Variants in SIPA1L2 observed in about 807,000 individuals in gnomAD.
SIPA1L2 encodes signal induced proliferation associated 1 like 2.
In SIPA1L2, 56 loss-of-function variants were observed where a neutral mutation model predicts 163.9. The observed-to-expected ratio is 0.34, with a 90% CI of 0.28 to 0.43. The LOEUF (loss-of-function observed/expected upper bound fraction) is 0.43. SIPA1L2 is among the 20% of genes least tolerant of loss of function. SIPA1L2 has a pLI of 1.00. For missense variants in SIPA1L2, 1,974 were observed against 2,193.5 expected, an observed-to-expected ratio of 0.90 and a Z score of 2.00; for synonymous variants, 877 against 865.7, an observed-to-expected ratio of 1.01 and a Z score of -0.23.
chr1:232,501,494 C>T (rs114757769), intron 3 of SIPA1L2, among the ~76,000 whole-genome samples: 3,289 of 152,150 alleles, frequency 0.022, 102 homozygotes, highest in African/African-American at 0.075. Flanking sequence ...CCAGGGAAGG[C>T]ACCTCCAGTC....
chr1:232,404,011 G>T, intron 20 of SIPA1L2, 114 bp downstream of exon 20: 1 of 1,180,444 alleles, frequency 8.5e-7, no homozygotes, highest in East Asian at 2.4e-5. Context: ...CACATGTCCC[G>T]CTGTGCACCC....
chr1:232,599,657 A>G (rs1341135374), intron 1 of SIPA1L2, among the ~76,000 whole-genome samples: 1 of 152,164 alleles, frequency 6.6e-6, no homozygotes, highest in East Asian at 1.9e-4. Flanking sequence ...ACTACCCTCT[A>G]AGATTGGAGA....
chr1:232,630,271 C>T (rs896831404), upstream of SIPA1L2, among the ~76,000 whole-genome samples: 1 of 151,784 alleles, frequency 6.6e-6, no homozygotes, highest in African/African-American at 2.4e-5. Flanking sequence ...GTCAGTCTCA[C>T]CGTCCGCCCG....
chr1:232,535,779 T>A (rs1281935316), intron 2 of SIPA1L2, among the ~76,000 whole-genome samples: 1 of 152,186 alleles, frequency 6.6e-6, no homozygotes, highest in African/African-American at 2.4e-5. Context: ...CAAGTTACTT[T>A]GTGAGGTATG....
chr1:232,626,388 T>G lies in SIPA1L2; in HGVS notation c.-319+3481A>C, dbSNP rs539034085. ...TCCTTCCTACCACCCAACTTGGCTA[T>G]CTAGTACTGGGGGAGAAGAACGAAC... On this transcript the variant is annotated intron_variant, in intron 1 of 22. Transcript: ENST00000674635. Among the ~76,000 whole-genome samples the G allele has an allele frequency of 2.0e-5, 3 of 152,200 alleles. No homozygotes were observed. The South Asian group carries it at 6.2e-4, about 32-fold the overall frequency.
Position 232,439,160 on chromosome 1 carries a change from T to C in SIPA1L2, c.3979A>G (p.Ser1327Gly), listed in dbSNP as rs1384201876. The C allele has an allele frequency of 6.2e-7, 1 of 1,613,140 alleles. No individual in the cohort carries two copies. The highest frequency in any genetic ancestry group is 1.3e-5 in the African/African-American group (1 of 74,946). Residue 1327 changes from serine (S) to glycine (G), a missense_variant, in exon 15 of 23, where the codon AGT becomes GGT. Transcript: ENST00000674635. ...TCGCCCATGCTGCCTTCCGCAGCACTGCCGGCGGAGATGGTGGACGCGTAG... is the reference window on the plus strand; with the variant it reads ...TCGCCCATGCTGCCTTCCGCAGCACCGCCGGCGGAGATGGTGGACGCGTAG... Reference protein sequence around the residue: ...HGYASTISAGSAAEGSMGDLS... With the variant: ...HGYASTISAGGAAEGSMGDLS...
In SIPA1L2 at chr1:232,437,580, T is replaced by G. The variant is rs569815594; in HGVS notation, c.4031+1528A>C. On this transcript the variant is annotated intron_variant, in intron 15 of 22. Transcript: ENST00000674635. ...CCCTTCTCCAGGTCAAATAATGTCC[T>G]GCTTCTCTTCTGGGGCAGTGGCTGT... Among the ~76,000 whole-genome samples, 105 of 152,350 alleles carry G rather than the reference T, an allele frequency of 6.9e-4. No homozygotes were observed. In the Middle Eastern group the frequency reaches 0.014, roughly 20 times the overall value.
At chr1:232,452,349 C>A (rs1486664620) in intron 10 of SIPA1L2, among the ~76,000 whole-genome samples, 1 of 152,128 alleles carries the variant, frequency 6.6e-6, no homozygotes, top group African/African-American at 2.4e-5. Context: ...TTAACAGACA[C>A]CACGGTCACT....
At chr1:232,408,183 A>T (rs1418395771) in intron 19 of SIPA1L2, among the ~76,000 whole-genome samples, 1 of 152,204 alleles carries the variant, frequency 6.6e-6, no homozygotes, top group African/African-American at 2.4e-5. Context: ...ACATTAAAAC[A>T]AAGTCTAAAA....
chr1:232,591,892 G>A (rs1248368411), intron 1 of SIPA1L2, among the ~76,000 whole-genome samples: 1 of 152,136 alleles, frequency 6.6e-6, no homozygotes, highest in Non-Finnish European at 1.5e-5. Context: ...AACTGGCTGA[G>A]ACTCTTGCTT....
chr1:232,625,701 G>A (rs942437971), intron 1 of SIPA1L2, among the ~76,000 whole-genome samples: 3 of 152,130 alleles, frequency 2.0e-5, no homozygotes, highest in African/African-American at 7.2e-5. Context: ...AGAGACTGAA[G>A]GATTTGTTCT....
chr1:232,407,634 C>T (rs115144407), intron 19 of SIPA1L2, among the ~76,000 whole-genome samples: 1,544 of 152,272 alleles, frequency 0.01, 21 homozygotes, highest in Non-Finnish European at 0.012. Context: ...AGCACACACA[C>T]GTCCATGCTC....
intron 2 of SIPA1L2, among the ~76,000 whole-genome samples, chr1:232,556,895 A>C (rs958986109): frequency 6.6e-6 from 1 of 152,188 alleles, no homozygotes; most frequent in African/African-American, 2.4e-5. Context: ...AGGATTTTGC[A>C]GTCTTTGAGA....
At chr1:232,619,438 C>A (rs758753675) in intron 1 of SIPA1L2, among the ~76,000 whole-genome samples, 3 of 152,250 alleles carry the variant, frequency 2.0e-5, no homozygotes, top group Admixed American at 2.0e-4. Context: ...CCTAAGAAGG[C>A]AGTGCATTCA....
chr1:232,519,277 A>G (rs574892793), intron 2 of SIPA1L2, among the ~76,000 whole-genome samples: 2 of 152,320 alleles, frequency 1.3e-5, no homozygotes, highest in South Asian at 4.1e-4. Flanking sequence ...CCCAAGGCCC[A>G]TTCCCAAACA....
chr1:232,591,083 AGTGCTCACC>A (rs1660933948), intron 1 of SIPA1L2, among the ~76,000 whole-genome samples: 1 of 152,224 alleles, frequency 6.6e-6, no homozygotes, highest in African/African-American at 2.4e-5. Flanking sequence ...AGCAGTGATG[AGTGCTCACC>A]GTCTCTCTTG....
Position 232,483,946 on chromosome 1 carries a change from G to A in SIPA1L2, c.1827C>T (p.Ile609=), listed in dbSNP as rs201253337. 92 of 1,610,770 alleles carry A rather than the reference G, an allele frequency of 5.7e-5. No individual in the cohort carries two copies. In the Middle Eastern group the frequency reaches 2.5e-3, roughly 43 times the overall value. Residue 609 remains isoleucine, a synonymous_variant, in exon 6 of 23, where the codon ATC becomes ATT. Coordinates refer to ENST00000674635, the MANE Select transcript of SIPA1L2 (RefSeq NM_020808.5). ...GGCCTGCTTTGCAATAAAGGATCCC[G>A]ATCTTGTGCTGAAAGCTCAGCTGAA... ...DEQGLSFQHK[I]GILYCKAGQS...
chr1:232,422,421 C>A (rs1016342247), intron 18 of SIPA1L2, among the ~76,000 whole-genome samples: 1 of 152,068 alleles, frequency 6.6e-6, no homozygotes, highest in African/African-American at 2.4e-5. Context: ...GCTAAAAATA[C>A]CTGAAAGAGA....
intron 15 of SIPA1L2, among the ~76,000 whole-genome samples, chr1:232,432,713 C>A (rs1038200362): frequency 1.3e-5 from 2 of 152,080 alleles, no homozygotes; most frequent in Non-Finnish European, 2.9e-5. Context: ...AAAACATGGC[C>A]GGGGAAATCT....
Sources: allele counts gnomAD v4.1 joint callset (sites outside exome capture counted in the v4.1 genomes callset), GRCh38; gene constraint gnomAD v4.1.1; transcripts MANE v1.5; gene names NCBI Gene and HGNC (gene_info 2026-07-23, HGNC 2026-07-21).